The following DPP10 variants were observed in gnomAD, a reference collection of about 807,000 sequenced individuals.
The protein encoded by DPP10 is inactive dipeptidyl peptidase 10.
A neutral mutation model predicts 120.9 loss-of-function variants in DPP10; 33 were observed. The ratio of observed to expected loss-of-function variants is 0.27; its 90% CI spans 0.21 to 0.37. DPP10 has a LOEUF of 0.37. DPP10 is among the 10% of genes least tolerant of loss of function. The pLI is 1.00. For missense variants in DPP10, 816 were observed against 942.8 expected, an observed-to-expected ratio of 0.87 and a Z score of 1.76; for synonymous variants, 337 against 326.1, an observed-to-expected ratio of 1.03 and a Z score of -0.36.
intron 5 of DPP10, among the ~76,000 whole-genome samples, chr2:115,587,367 A>G (rs1431945617): frequency 6.6e-6 from 1 of 151,804 alleles, no homozygotes; most frequent in African/African-American, 2.4e-5. Flanking sequence ...CAAAGTGAAC[A>G]TTGTCCTTTT....
intron 4 of DPP10, among the ~76,000 whole-genome samples, chr2:115,508,542 TATCC>T (rs2077066033): frequency 6.6e-6 from 1 of 152,234 alleles, no homozygotes; most frequent in Admixed American, 6.5e-5. Context: ...TATTGCTTAA[TATCC>T]ATGTCAGAAT....
intron 2 of DPP10, among the ~76,000 whole-genome samples, chr2:115,337,747 G>A (rs781648576): frequency 6.8e-6 from 1 of 147,738 alleles, no homozygotes; most frequent in Admixed American, 6.7e-5. Flanking sequence ...TATTCATTAT[G>A]TGTATAAGGA....
chr2:115,111,907 G>A (rs1273565520), intron 1 of DPP10, among the ~76,000 whole-genome samples: 1 of 152,182 alleles, frequency 6.6e-6, no homozygotes, highest in Admixed American at 6.5e-5. Flanking sequence ...AGTACTCAGT[G>A]TCTGATGGGA....
intron 1 of DPP10, among the ~76,000 whole-genome samples, chr2:115,137,844 G>A (rs572706407): frequency 6.6e-6 from 1 of 152,262 alleles, no homozygotes; most frequent in African/African-American, 2.4e-5. Context: ...ATTAGAACAA[G>A]AGCCAATTCA....
At chr2:115,624,366 A>G (rs1007748170) in intron 5 of DPP10, among the ~76,000 whole-genome samples, 5 of 152,118 alleles carry the variant, frequency 3.3e-5, no homozygotes, top group African/African-American at 1.2e-4. Context: ...TCGAAATGTT[A>G]TCATAATTCT....
At chr2:114,834,217 GTATA>G (rs1201823959) in intron 1 of DPP10, among the ~76,000 whole-genome samples, 1 of 138,542 alleles carries the variant, frequency 7.2e-6, no homozygotes, top group Non-Finnish European at 1.6e-5. Context: ...ACACACCTAT[GTATA>G]TATATAGGCC....
At chr2:114,921,218 C>T (rs1695172481) in intron 1 of DPP10, among the ~76,000 whole-genome samples, 2 of 152,062 alleles carry the variant, frequency 1.3e-5, no homozygotes, top group African/African-American at 2.4e-5. Flanking sequence ...GATTTCCTGA[C>T]TTGATATGTA....
intron 1 of DPP10, among the ~76,000 whole-genome samples, chr2:115,174,083 G>A (rs912224979): frequency 1.3e-5 from 2 of 152,132 alleles, no homozygotes; most frequent in African/African-American, 4.8e-5. Flanking sequence ...TTTATTTTTG[G>A]TAGCAGGTTT....
intron 3 of DPP10, among the ~76,000 whole-genome samples, chr2:115,370,433 TAGAAAA>T (rs1296799860): frequency 6.6e-6 from 1 of 151,956 alleles, no homozygotes; most frequent in Non-Finnish European, 1.5e-5. Context: ...TGTAGAGAAG[TAGAAAA>T]TAAGTAAAGG....
At chr2:115,445,915 G>T (rs570196553) in intron 3 of DPP10, among the ~76,000 whole-genome samples, 1 of 152,280 alleles carries the variant, frequency 6.6e-6, no homozygotes, top group East Asian at 1.9e-4. Flanking sequence ...ATGGGCCCAG[G>T]ACCCCACTGC....
intron 3 of DPP10, among the ~76,000 whole-genome samples, chr2:115,480,017 C>A (rs2075331049): frequency 6.6e-6 from 1 of 152,086 alleles, no homozygotes; most frequent in African/African-American, 2.4e-5. Flanking sequence ...GAGAGCTACC[C>A]CTTCAACTAT....
At chr2:115,093,943 A>C (rs1422754832) in intron 1 of DPP10, among the ~76,000 whole-genome samples, 1 of 152,090 alleles carries the variant, frequency 6.6e-6, no homozygotes, top group East Asian at 1.9e-4. Flanking sequence ...TCCATGAGAC[A>C]TACAGTTTCA....
intron 1 of DPP10, among the ~76,000 whole-genome samples, chr2:114,809,318 G>A (rs1684993376): frequency 6.6e-6 from 1 of 152,102 alleles, no homozygotes; most frequent in South Asian, 2.1e-4. Flanking sequence ...CCACCTGACT[G>A]TCCTCATTAT....
chr2:115,076,511 T>C (rs2104469602), intron 1 of DPP10, among the ~76,000 whole-genome samples: 1 of 152,268 alleles, frequency 6.6e-6, no homozygotes, highest in East Asian at 1.9e-4. Context: ...ATGTATTCTG[T>C]ACTTTTGTTA....
chr2:115,441,413 A>G (rs905519656), intron 3 of DPP10, among the ~76,000 whole-genome samples: 1 of 152,132 alleles, frequency 6.6e-6, no homozygotes, highest in Non-Finnish European at 1.5e-5. Flanking sequence ...GTGGGGGATG[A>G]AGTTGGAAAG....
chr2:114,813,835 T>C (rs867360969), intron 1 of DPP10, among the ~76,000 whole-genome samples: 22 of 152,082 alleles, frequency 1.4e-4, no homozygotes, highest in South Asian at 8.3e-4. Flanking sequence ...ATCAAGAATA[T>C]GCTTGTAACA....
At chr2:114,930,254 C>T (rs926875837) in intron 1 of DPP10, among the ~76,000 whole-genome samples, 41 of 152,144 alleles carry the variant, frequency 2.7e-4, no homozygotes, top group African/African-American at 8.2e-4. Context: ...TCTTCTCTAC[C>T]GCATAGCCAG....
intron 1 of DPP10, among the ~76,000 whole-genome samples, chr2:115,292,020 A>G (rs1316516795): frequency 6.6e-6 from 1 of 152,172 alleles, no homozygotes; most frequent in Non-Finnish European, 1.5e-5. Flanking sequence ...TTCTAATAGA[A>G]CTTTCTTAAA....
At chr2:115,133,143 G>GTATATATATA (rs1238047393) in intron 1 of DPP10, among the ~76,000 whole-genome samples, 10 of 31,994 alleles carry the variant, frequency 3.1e-4, no homozygotes, top group Non-Finnish European at 5.4e-4. Flanking sequence ...GTGTGTGTGT[G>GTATATATATA]TGTATATATA....
Sources: gnomAD v4.1 joint callset for allele counts (sites outside exome capture counted in the v4.1 genomes callset) on GRCh38, gnomAD v4.1.1 for gene constraint, MANE v1.5 for transcripts, NCBI Gene and HGNC (gene_info 2026-07-23, HGNC 2026-07-21) for gene names.